ZNF445: variants seen among roughly 807,000 people sequenced by gnomAD.
ZNF445 encodes zinc finger protein 168.
Under a neutral mutation model 93.9 loss-of-function variants are expected in ZNF445, and 19 were observed. The observed-to-expected ratio is 0.20, with a 90% confidence interval of 0.14 to 0.30. The LOEUF (loss-of-function observed/expected upper bound fraction) is 0.30, where lower values mean the gene tolerates loss of function less well. Ranked by LOEUF, ZNF445 falls within the 10% of genes least tolerant of loss-of-function variation. The pLI is 1.00. For missense variants in ZNF445, 1,058 were observed against 1,259.4 expected, an observed-to-expected ratio of 0.84 and a Z score of 2.42; for synonymous variants, 449 against 446.3, an observed-to-expected ratio of 1.01 and a Z score of -0.08.
chr3:44,451,239 T>C, intron 4 of ZNF445, 75 bp downstream of exon 4: 8 of 1,525,306 alleles, frequency 5.2e-6, no homozygotes, highest in East Asian at 2.3e-5. Flanking sequence ...AGAGGACAGA[T>C]GTGGAAAGAC....
chr3:44,453,531 C>G (rs9813018), intron 3 of ZNF445, among the ~76,000 whole-genome samples: 109,145 of 151,902 alleles, frequency 0.72, 39,758 homozygotes, highest in East Asian at 1. Context: ...CTGACCTCAA[C>G]TGATCTGCCC....
Position 44,446,309 on chromosome 3 carries a change from G to C in ZNF445, c.*266C>G, listed in dbSNP as rs1697876395. 2.1e-6 allele frequency: 1 copy of C among 466,806 alleles called. No homozygotes were observed. 28.9% of individuals were successfully genotyped at this position (466,806 alleles called of 1,614,324 possible). On this transcript the variant is annotated 3_prime_UTR_variant, in exon 8 of 8. Coordinates refer to ENST00000396077, the MANE Select transcript of ZNF445 (RefSeq NM_181489.6). The surrounding 1 kb of genome is among the most constrained non-coding windows in gnomAD (Gnocchi z 4.2). ...TGTGGAAGGAGACCTGAATAGGGGAGCCGCAGGCTATGGTGCAGAGGCCAC... is the reference window on the plus strand; with the variant it reads ...TGTGGAAGGAGACCTGAATAGGGGACCCGCAGGCTATGGTGCAGAGGCCAC...
intron 3 of ZNF445, among the ~76,000 whole-genome samples, chr3:44,454,350 G>T (rs1411676190): frequency 6.6e-6 from 1 of 151,988 alleles, no homozygotes; most frequent in Non-Finnish European, 1.5e-5. Flanking sequence ...CACTTTACAG[G>T]GCTATGGTTA....
At chr3:44,449,936 CGTT>C (rs1559392994) in intron 6 of ZNF445, among the ~76,000 whole-genome samples, 1 of 152,022 alleles carries the variant, frequency 6.6e-6, no homozygotes, top group Non-Finnish European at 1.5e-5. Context: ...ACCTTTAATC[CGTT>C]GTTTTTATTT....
At position 44,446,641 on chromosome 3, in the gene ZNF445, C is replaced by A. The variant is rs1346428488; in HGVS notation, c.3030G>T (p.Lys1010Asn). The change falls in exon 8 of 8, where the codon AAG becomes AAT. Residue 1010 changes from lysine to asparagine, a missense_variant. Lys to Asn is a moderately conservative substitution (Grantham distance 94). This residue lies in a region of ZNF445 where 387 missense variants were observed against 475.7 expected (regional missense o/e 0.81). Coordinates refer to ENST00000396077, the MANE Select transcript of ZNF445 (RefSeq NM_181489.6). The surrounding 1 kb of genome is among the most constrained non-coding windows in gnomAD (Gnocchi z 4.2). ...AAGACCACCTGAAGGTCTTTCCACA[C>A]TTGCTGCATTTGAAGGGCCTCTCTC... ...HTRERPFKCS[K>N]CGKTFRWSSN... 3 of 1,614,218 alleles carry A rather than the reference C, an allele frequency of 1.9e-6. No individual in the cohort carries two copies. The East Asian group carries it at 6.7e-5, about 36-fold the overall frequency.
chr3:44,441,733 T>C lies in ZNF445; in HGVS notation c.*4842A>G, dbSNP rs774453945. ...CCCTGTAAAAATCTTAACATTGTGA[T>C]GCCTCTGCATCAATTTTTAGAAAAA... On this transcript the variant is annotated 3_prime_UTR_variant, in exon 8 of 8. Transcript: ENST00000396077. 2.6e-5 allele frequency: 4 copies of C among 152,254 alleles called. No homozygotes were observed. Among genetic ancestry groups the C allele is most frequent in the Non-Finnish European group, 5.9e-5 (4 of 68,052 alleles). 9.4% of individuals were successfully genotyped at this position (152,254 alleles called of 1,614,324 possible). A position where few individuals can be genotyped will look rare whatever the true frequency, so the allele number is the denominator to read the frequency against.
chr3:44,459,653 C>T (rs1378005540), intron 1 of ZNF445, among the ~76,000 whole-genome samples: 5 of 152,134 alleles, frequency 3.3e-5, no homozygotes, highest in East Asian at 1.9e-4. Context: ...TGAAGGAATA[C>T]GCAAATAGTA....
chr3:44,453,712 G>T (rs570948373), intron 3 of ZNF445, among the ~76,000 whole-genome samples: 1 of 152,210 alleles, frequency 6.6e-6, no homozygotes, highest in Non-Finnish European at 1.5e-5. Context: ...CAGGAAGAAC[G>T]AACGCACTTG....
rs186458734 is a variant in ZNF445, at chr3:44,460,744, C to T, written c.-268-2380G>A. 1.4e-3 allele frequency among the ~76,000 whole-genome samples: 215 copies of T among 152,340 alleles called. 1 individual carries two copies. Among genetic ancestry groups the T allele is most frequent in the Middle Eastern group, 3.4e-3 (1 of 294 alleles). On this transcript the variant is annotated intron_variant, in intron 1 of 7. Coordinates refer to ENST00000396077, the MANE Select transcript of ZNF445 (RefSeq NM_181489.6). ...TTTGAGTAATACAACTCTGGTCTCC[C>T]GCACAGCCAGTTCTGTGTGAATTAC... is the stretch of plus-strand genomic sequence containing the variant.
chr3:44,474,974 T>C (rs1698325363), intron 1 of ZNF445, among the ~76,000 whole-genome samples: 1 of 152,066 alleles, frequency 6.6e-6, no homozygotes, highest in Admixed American at 6.6e-5. Context: ...GGCGCATGCC[T>C]GTAATCCCAG....
chr3:44,452,480 A>G (rs1041128094), intron 3 of ZNF445, among the ~76,000 whole-genome samples: 2 of 152,154 alleles, frequency 1.3e-5, no homozygotes, highest in South Asian at 2.1e-4. Context: ...GACTTTACAT[A>G]TATCTTAAAG....
Position 44,441,981 on chromosome 3 carries a change from C to CA in ZNF445, c.*4593dup, listed in dbSNP as rs1697817958. 1 of 152,422 alleles carries CA rather than the reference C, an allele frequency of 6.6e-6. No individual in the cohort carries two copies. The highest frequency in any genetic ancestry group is 2.4e-5 in the African/African-American group (1 of 41,440). The allele number at this position is 152,422 out of a possible 1,614,324, so 9.4% of individuals were successfully genotyped here. ...GCTAGACACTATTCTAAGCATTTTA[C>CA]ATGCATTACTTCATTGACCACCCCC... On this transcript the variant is annotated 3_prime_UTR_variant, in exon 8 of 8. Coordinates refer to ENST00000396077, the MANE Select transcript of ZNF445 (RefSeq NM_181489.6).
intron 1 of ZNF445, among the ~76,000 whole-genome samples, chr3:44,462,528 T>G (rs1038156624): frequency 2.6e-5 from 4 of 152,234 alleles, no homozygotes; most frequent in African/African-American, 9.6e-5. Flanking sequence ...ATTCTATTCT[T>G]GGCTTCCAGA....
chr3:44,460,092 T>C lies in ZNF445; in HGVS notation c.-268-1728A>G, dbSNP rs17076745. Among the ~76,000 whole-genome samples the C allele has an allele frequency of 9.1e-3, 1,386 of 152,288 alleles. 20 individuals are homozygous for C. The highest frequency in any genetic ancestry group is 0.032 in the African/African-American group (1,327 of 41,558). On this transcript the variant is annotated intron_variant, in intron 1 of 7. Coordinates refer to ENST00000396077, the MANE Select transcript of ZNF445 (RefSeq NM_181489.6). ...CCTGGAAAAATAGATGCACGGTATATAGACATTTACATGAGTGTACACTAG... is the reference window on the plus strand; with the variant it reads ...CCTGGAAAAATAGATGCACGGTATACAGACATTTACATGAGTGTACACTAG...
At chr3:44,450,160 A>G in intron 6 of ZNF445, 1 of 417,502 alleles carries the variant, frequency 2.4e-6, no homozygotes, top group Non-Finnish European at 4.5e-6. Flanking sequence ...ACTGGTCTCA[A>G]ACTCCTGAGC....
rs1697663247 is a variant in ZNF445, at chr3:44,435,666, T to G, written c.*10909A>C. On this transcript the variant is annotated 3_prime_UTR_variant, in exon 8 of 8. Coordinates refer to ENST00000396077, the MANE Select transcript of ZNF445 (RefSeq NM_181489.6). Reference sequence around the variant, plus strand: ...TTCTACTTGGCCTTTTCTACCAGAATTACTTTTACTGTATGGATCAGGGAA... The same window carrying G: ...TTCTACTTGGCCTTTTCTACCAGAAGTACTTTTACTGTATGGATCAGGGAA... 1 of 152,202 alleles carries G rather than the reference T, an allele frequency of 6.6e-6. No individual in the cohort carries two copies. The highest frequency in any genetic ancestry group is 6.5e-5 in the Admixed American group (1 of 15,276). The allele number at this position is 152,202 out of a possible 1,614,324, so 9.4% of individuals were successfully genotyped here.
chr3:44,459,254 CCT>C (rs1369056079), intron 1 of ZNF445, among the ~76,000 whole-genome samples: 1 of 152,026 alleles, frequency 6.6e-6, no homozygotes, highest in Non-Finnish European at 1.5e-5. Context: ...AATGTGTTTC[CCT>C]GAGTTTTGTG....
At chr3:44,457,554 G>A (rs1054599273) in intron 2 of ZNF445, among the ~76,000 whole-genome samples, 2 of 152,246 alleles carry the variant, frequency 1.3e-5, no homozygotes, top group East Asian at 3.9e-4. Flanking sequence ...GAGCCACTAA[G>A]CCTGATCTCC....
At position 44,441,846 on chromosome 3, in the gene ZNF445, C is replaced by T. The variant is rs1697815879; in HGVS notation, c.*4729G>A. On this transcript the variant is annotated 3_prime_UTR_variant, in exon 8 of 8. Coordinates refer to ENST00000396077, the MANE Select transcript of ZNF445 (RefSeq NM_181489.6). The stretch of plus-strand genomic sequence containing the variant: ...TAGGAAGGCAGAATGGTGACTTGCA[C>T]ACATCGTTCCAATACATGATTTTAT... The T allele has an allele frequency of 6.6e-6, 1 of 152,184 alleles. No homozygotes were observed. Among genetic ancestry groups the T allele is most frequent in the South Asian group, 2.1e-4 (1 of 4,830 alleles). The allele number at this position is 152,184 out of a possible 1,614,324, so 9.4% of individuals were successfully genotyped here. A position where few individuals can be genotyped will look rare whatever the true frequency, so the allele number is the denominator to read the frequency against.
Sources: gnomAD v4.1 joint callset for allele counts (sites outside exome capture counted in the v4.1 genomes callset) on GRCh38, gnomAD v4.1.1 for gene constraint, gnomAD v4.1.1 regional missense constraint, Gnocchi (gnomAD v3.1) non-coding constraint, MANE v1.5 for transcripts, NCBI Gene and HGNC (gene_info 2026-07-23, HGNC 2026-07-21) for gene names.